Variants in AZIN1 observed in about 807,000 individuals in gnomAD.
AZIN1 encodes the protein antizyme inhibitor 1.
A neutral mutation model predicts 47.4 loss-of-function variants in AZIN1; 12 were observed. The ratio of observed to expected loss-of-function variants is 0.25; its 90% CI spans 0.16 to 0.41. AZIN1 has a LOEUF of 0.41. Among genes scored for constraint, AZIN1 ranks in the 10% least tolerant of loss-of-function variants. AZIN1 has a pLI of 1.00. For synonymous variants in AZIN1, 155 were observed against 176.3 expected (o/e 0.88, Z 0.96); for missense variants, 410 against 532.4 (o/e 0.77, Z 2.26).
chr8:102,838,687 C>G (rs1052304560), intron 5 of AZIN1, 57 bp downstream of exon 5: 20 of 1,447,418 alleles, frequency 1.4e-5, no homozygotes, highest in Admixed American at 2.1e-5. Context: ...AGACAAAAGA[C>G]AAACCCAACC....
At chr8:102,861,529 G>A (rs1314284722) in intron 1 of AZIN1, among the ~76,000 whole-genome samples, 1 of 151,682 alleles carries the variant, frequency 6.6e-6, no homozygotes, top group East Asian at 1.9e-4. Flanking sequence ...GCCTAATAAA[G>A]TTTATTTTTA....
intron 1 of AZIN1, among the ~76,000 whole-genome samples, chr8:102,858,881 CATT>C (rs1024005589): frequency 6.6e-6 from 1 of 152,176 alleles, no homozygotes; most frequent in African/African-American, 2.4e-5. Flanking sequence ...GAGTTTTAGA[CATT>C]GTTACCACTC....
rs200027060 is a variant in AZIN1, at chr8:102,847,370, C to T, written c.-95-3623G>A. 2.3e-4 allele frequency among the ~76,000 whole-genome samples: 22 copies of T among 94,372 alleles called. No individual in the cohort carries two copies. In the South Asian group the frequency reaches 6.7e-3, roughly 29 times the overall value. 61.9% of individuals were successfully genotyped at this position (94,372 alleles called of 152,430 possible). On this transcript the variant is annotated intron_variant, in intron 2 of 11. Coordinates refer to ENST00000337198, the MANE Select transcript of AZIN1 (RefSeq NM_148174.4). Reference sequence around the variant, plus strand: ...TCTCTTAAAAAAAAAAAAAAAAAAACAATAAAGCTCTAATGGAGGTTTATT... The same window carrying T: ...TCTCTTAAAAAAAAAAAAAAAAAAATAATAAAGCTCTAATGGAGGTTTATT...
chr8:102,829,240 A>C lies in AZIN1; in HGVS notation c.1235+32T>G. 5 of 1,561,112 alleles carry C rather than the reference A, an allele frequency of 3.2e-6. No individual in the cohort carries two copies. The South Asian group carries it at 4.6e-5, about 14-fold the overall frequency. ...GCAAGTCTAAAAGGACAGTTCAAAT[A>C]TCCCATCTGCCTTAAAATAAAATCA... On this transcript the variant is annotated intron_variant, in intron 11 of 11. Transcript: ENST00000337198.
At chr8:102,853,329 C>T (rs113790103) in intron 2 of AZIN1, among the ~76,000 whole-genome samples, 193 of 152,284 alleles carry the variant, frequency 1.3e-3, no homozygotes, top group African/African-American at 4.4e-3. Context: ...ATGGTGAAAC[C>T]CTGTCTCTAC....
chr8:102,834,825 T>C, intron 6 of AZIN1, 78 bp from the exon 7 acceptor site: 1 of 886,538 alleles, frequency 1.1e-6, no homozygotes, highest in Non-Finnish European at 1.8e-6. Flanking sequence ...CAACTGTCAC[T>C]CATCATATTC....
intron 8 of AZIN1, among the ~76,000 whole-genome samples, chr8:102,833,853 C>T (rs201739579): frequency 3.6e-5 from 5 of 138,118 alleles, no homozygotes; most frequent in Admixed American, 1.5e-4. Context: ...GCTATAATTG[C>T]GCCACTCCAC....
At chr8:102,832,381 C>T (rs574476746) in intron 9 of AZIN1, among the ~76,000 whole-genome samples, 1 of 152,182 alleles carries the variant, frequency 6.6e-6, no homozygotes, top group African/African-American at 2.4e-5. Context: ...CAAGATGGTA[C>T]TGTCTAGTGC....
chr8:102,829,387 T>G lies in AZIN1; in HGVS notation c.1120A>C (p.Asn374His), dbSNP rs372529304. The G allele has an allele frequency of 4.3e-6, 7 of 1,613,960 alleles. No homozygotes were observed. The highest frequency in any genetic ancestry group is 5.9e-6 in the Non-Finnish European group (7 of 1,179,950). Reference protein sequence around the residue: ...IVESCLLPELNVGDWLIFDNM... With the variant: ...IVESCLLPELHVGDWLIFDNM... ...TCAAAGATAAGCCAATCTCCCACAT[T>G]CAGCTCAGGAAGAAGACAGCTTTCC... Residue 374 changes from asparagine (N) to histidine (H), a missense_variant, in exon 11 of 12, where the codon AAT becomes CAT. Asn to His is a moderately conservative substitution (Grantham distance 68, BLOSUM62 1). Coordinates refer to ENST00000337198, the MANE Select transcript of AZIN1 (RefSeq NM_148174.4).
chr8:102,843,205 C>CAAAAAAA (rs10713233), intron 3 of AZIN1, among the ~76,000 whole-genome samples: 1 of 97,268 alleles, frequency 1.0e-5, no homozygotes, highest in Non-Finnish European at 2.1e-5. Flanking sequence ...GACTCGTCTC[C>CAAAAAAA]AAAAAAAAAA....
At chr8:102,841,578 C>A (rs551897040) in intron 3 of AZIN1, among the ~76,000 whole-genome samples, 1 of 151,976 alleles carries the variant, frequency 6.6e-6, no homozygotes, top group Non-Finnish European at 1.5e-5. Context: ...ACCAATATGT[C>A]AAGTTTTAAC....
At chr8:102,851,374 C>T (rs920867042) in intron 2 of AZIN1, among the ~76,000 whole-genome samples, 1 of 152,180 alleles carries the variant, frequency 6.6e-6, no homozygotes, top group African/African-American at 2.4e-5. Flanking sequence ...ATGTGCAATA[C>T]AGTAATTGCA....
chr8:102,835,498 T>C lies in AZIN1; in HGVS notation c.585-751A>G, dbSNP rs117668214. ...CAAAGTAGTATAGAAAGATACACAA[T>C]AAGGCCAGGCACAGAGGCTCACATC... On this transcript the variant is annotated intron_variant, in intron 6 of 11. Transcript: ENST00000337198. 1.1e-4 allele frequency: 17 copies of C among 152,312 alleles called. No individual in the cohort carries two copies. The East Asian group carries it at 2.9e-3, about 26-fold the overall frequency. 9.4% of individuals were successfully genotyped at this position (152,312 alleles called of 1,614,324 possible).
intron 2 of AZIN1, among the ~76,000 whole-genome samples, chr8:102,852,342 G>T (rs1424304554): frequency 1.3e-5 from 2 of 152,154 alleles, no homozygotes; most frequent in African/African-American, 4.8e-5. Context: ...TTGGGAGGCT[G>T]AGGAGGGCAG....
intron 9 of AZIN1, among the ~76,000 whole-genome samples, chr8:102,832,156 T>C (rs1309211890): frequency 6.6e-6 from 1 of 151,958 alleles, no homozygotes; most frequent in Non-Finnish European, 1.5e-5. Context: ...AGTTAAAAAA[T>C]ACAAAGTAAT....
intron 6 of AZIN1, 124 bp downstream of exon 6, chr8:102,836,132 G>A (rs1811808716): frequency 9.3e-7 from 1 of 1,074,368 alleles, no homozygotes; most frequent in Admixed American, 2.4e-5. Context: ...ATACATGTGT[G>A]TTAAAAGACT....
At position 102,839,712 on chromosome 8, in the gene AZIN1, A is replaced by G. The variant is rs1477090071; in HGVS notation, c.214T>C (p.Ser72Pro). The change falls in exon 4 of 12, where the codon TCT (serine) becomes CCT (proline). Residue 72 changes from serine (S) to proline (P), a missense_variant. Coordinates refer to ENST00000337198, the MANE Select transcript of AZIN1 (RefSeq NM_148174.4). ...IKPFYTVKCN[S>P]APAVLEILAA... Reference sequence around the variant, plus strand: ...AAAATCTCAAGTACAGCTGGAGCAGAGTTGCACTTCACTGTGTAGAATGGC... The same window carrying G: ...AAAATCTCAAGTACAGCTGGAGCAGGGTTGCACTTCACTGTGTAGAATGGC... The G allele has an allele frequency of 2.5e-6, 4 of 1,608,162 alleles. No individual in the cohort carries two copies. In the Admixed American group the frequency reaches 6.7e-5, roughly 27 times the overall value.
At chr8:102,834,800 T>A in intron 6 of AZIN1, 53 bp from the exon 7 acceptor site, 1 of 1,208,734 alleles carries the variant, frequency 8.3e-7, no homozygotes, top group South Asian at 1.3e-5. Context: ...TAGAGACACC[T>A]CCTGTAATTT....
chr8:102,836,159 T>C (rs1811810218), intron 6 of AZIN1, 97 bp downstream of exon 6: 35 of 1,345,156 alleles, frequency 2.6e-5, no homozygotes, highest in Non-Finnish European at 3.6e-5. Flanking sequence ...AATTGCATCT[T>C]AGATTTCATG....
Sources: allele counts gnomAD v4.1 joint callset (sites outside exome capture counted in the v4.1 genomes callset), GRCh38; gene constraint gnomAD v4.1.1; transcripts MANE v1.5; gene names NCBI Gene and HGNC (gene_info 2026-07-23, HGNC 2026-07-21).